The following KIF1A variants were observed in gnomAD, a reference collection of about 807,000 sequenced individuals.
KIF1A encodes the protein kinesin family member 1A.
KIF1A carries 46 observed loss-of-function variants against 227.3 expected under a neutral mutation model. That is an observed-to-expected ratio of 0.20 (90% confidence interval 0.16 to 0.26). The LOEUF (loss-of-function observed/expected upper bound fraction) is 0.26, where lower values mean the gene tolerates loss of function less well. Ranked by LOEUF, KIF1A falls within the 10% of genes least tolerant of loss-of-function variation. The pLI is 1.00. For missense variants in KIF1A, 1,683 were observed against 2,485.9 expected (o/e 0.68, Z 6.87); for synonymous variants, 1,022 against 1,012.8 (o/e 1.01, Z -0.17).
At chr2:240,759,589 G>GATGGGCCCTA (rs2050269335) in intron 25 of KIF1A, among the ~76,000 whole-genome samples, 1 of 56,390 alleles carries the variant, frequency 1.8e-5, no homozygotes, top group African/African-American at 9.5e-5. Context: ...CTCTCTGCCT[G>GATGGGCCCTA]GTGCCTCCCC....
At chr2:240,780,770 C>CCACACACACACACACACACAGCTCCACA (rs2053565481) in intron 10 of KIF1A, among the ~76,000 whole-genome samples, 1 of 71,502 alleles carries the variant, frequency 1.4e-5, no homozygotes, top group Admixed American at 1.7e-4. Flanking sequence ...CCACACAGCT[C>CCACACACACACACACACACAGCTCCACA]CACACACACA....
In KIF1A at chr2:240,789,242, G is replaced by A; in HGVS notation, c.177C>T (p.His59=). 1 of 1,613,606 alleles carries A rather than the reference G, an allele frequency of 6.2e-7. No individual in the cohort carries two copies. Among genetic ancestry groups the A allele is most frequent in the Non-Finnish European group, 8.5e-7 (1 of 1,179,526 alleles). The change falls in exon 3 of 49, where the codon CAC becomes CAT. Residue 59 remains histidine (H), a synonymous_variant. Coordinates refer to ENST00000498729, the MANE Select transcript of KIF1A (RefSeq NM_001244008.2). This position sits in a 1 kb window ranked among gnomAD's most constrained non-coding sequence, Gnocchi z 4.8. The stretch of plus-strand genomic sequence containing the variant: ...ACCCGGGGTCCCGGCTTACTGAGGT[G>A]TGCGACCAGTAGGAGTAGTCAAAGC... ...SFSFDYSYWS[H]TSPEDINYAS...
chr2:240,719,880 G>A lies in KIF1A; in HGVS notation c.4915C>T (p.Leu1639=), dbSNP rs760657742. Residue 1639 remains leucine, a synonymous_variant, in exon 46 of 49, where the codon CTG becomes TTG. Transcript: ENST00000498729. ...AGCTTCTTGGAGTCGGCCTCTGGCA[G>A]CAGCTCGGGCTCTGGGCTGGCTGGC... ...SRPASPEPEL[L]PEADSKKLPS... 2.5e-6 allele frequency: 4 copies of A among 1,611,890 alleles called. No homozygotes were observed. The Admixed American group carries it at 6.7e-5, about 27-fold the overall frequency.
At position 240,761,316 on chromosome 2, in the gene KIF1A, G is replaced by A. The variant is rs2050498927; in HGVS notation, c.2178C>T (p.Tyr726=). Residue 726 remains tyrosine, a synonymous_variant, in exon 24 of 49, where the codon TAC becomes TAT. Coordinates refer to ENST00000498729, the MANE Select transcript of KIF1A (RefSeq NM_001244008.2). ...ALWAFRKWKW[Y]QFTSLRDLLW... ...GCAGGTCCCGCAGAGACGTGAACTGGTACCACTTCCACTTCCGGAAGGCCC... is the reference window on the plus strand; with the variant it reads ...GCAGGTCCCGCAGAGACGTGAACTGATACCACTTCCACTTCCGGAAGGCCC... 6.2e-7 allele frequency: 1 copy of A among 1,613,708 alleles called. No homozygotes were observed. Among genetic ancestry groups the A allele is most frequent in the African/African-American group, 1.3e-5 (1 of 75,056 alleles).
intron 25 of KIF1A, among the ~76,000 whole-genome samples, chr2:240,759,466 C>A (rs995975489): frequency 6.6e-6 from 1 of 152,148 alleles, no homozygotes; most frequent in African/African-American, 2.4e-5. Flanking sequence ...CAGCCCTATG[C>A]CCCAGAGCCC....
At chr2:240,723,764 G>A (rs1442579579) in intron 41 of KIF1A, among the ~76,000 whole-genome samples, 2 of 152,148 alleles carry the variant, frequency 1.3e-5, no homozygotes, top group Non-Finnish European at 1.5e-5. Context: ...TGGCCATCTC[G>A]GCTGTGCCCT....
In KIF1A at chr2:240,775,982, G is replaced by C; in HGVS notation, c.883-56C>G. 2.4e-6 allele frequency: 3 copies of C among 1,245,720 alleles called. No individual in the cohort carries two copies. Among genetic ancestry groups the C allele is most frequent in the South Asian group, 2.4e-5 (2 of 82,658 alleles). 77.2% of individuals were successfully genotyped at this position (1,245,720 alleles called of 1,614,324 possible). A position where few individuals can be genotyped will look rare whatever the true frequency, so the allele number is the denominator to read the frequency against. ...CGAGCCCACTGCAGAGGAAGCGAAA[G>C]GGAGGGGCCAGCGCAGGCCCTGCCA... On this transcript the variant is annotated intron_variant, in intron 10 of 48. Transcript: ENST00000498729. The surrounding 1 kb of genome is among the most constrained non-coding windows in gnomAD (Gnocchi z 5.5).
At position 240,758,606 on chromosome 2, in the gene KIF1A, C is replaced by T. The variant is rs992024921; in HGVS notation, c.2445-109G>A. The T allele has an allele frequency of 5.9e-6, 7 of 1,182,418 alleles. No individual in the cohort carries two copies. The highest frequency in any genetic ancestry group is 6.4e-5 in the Admixed American group (2 of 31,202). The allele number at this position is 1,182,418 out of a possible 1,614,324, so 73.2% of individuals were successfully genotyped here. A position where few individuals can be genotyped will look rare whatever the true frequency, so the allele number is the denominator to read the frequency against. On this transcript the variant is annotated intron_variant, in intron 25 of 48. Coordinates refer to ENST00000498729, the MANE Select transcript of KIF1A (RefSeq NM_001244008.2). This position sits in a 1 kb window ranked among gnomAD's most constrained non-coding sequence, Gnocchi z 5.2. ...GGGCTCAGCCTAGCTCTGGCCACCA[C>T]ATCCAGCTCAGGGTCATCAAGGTCC...
intron 45 of KIF1A, 131 bp downstream of exon 45, chr2:240,720,783 A>T: frequency 8.7e-7 from 1 of 1,147,576 alleles, no homozygotes; most frequent in Non-Finnish European, 1.2e-6. Flanking sequence ...CCCTTCCCTC[A>T]GCCTGTGGCC....
At chr2:240,782,954 C>T in intron 9 of KIF1A, 90 bp downstream of exon 9, 1 of 1,088,388 alleles carries the variant, frequency 9.2e-7, no homozygotes, top group Non-Finnish European at 1.4e-6. Flanking sequence ...CTCCCAGACA[C>T]AGGGCCCGGA....
intron 7 of KIF1A, among the ~76,000 whole-genome samples, chr2:240,784,140 C>T (rs2054418363): frequency 1.3e-5 from 2 of 152,352 alleles, no homozygotes; most frequent in South Asian, 4.1e-4. Context: ...CTGTCACTGT[C>T]CCCACTTCCA....
intron 38 of KIF1A, among the ~76,000 whole-genome samples, chr2:240,728,726 A>G (rs569127508): frequency 6.6e-6 from 1 of 152,310 alleles, no homozygotes; most frequent in South Asian, 2.1e-4. Flanking sequence ...CTCCTGGAAC[A>G]TTGCAGGATC....
intron 27 of KIF1A, among the ~76,000 whole-genome samples, chr2:240,753,615 GCA>G (rs1184008215): frequency 6.6e-6 from 1 of 152,204 alleles, no homozygotes; most frequent in African/African-American, 2.4e-5. Context: ...TAGGGGCCAA[GCA>G]CAGTGGCGAG....
rs372482235 is a variant in KIF1A at position 240,752,580 on chromosome 2, C to T, written c.2859-2033G>A. On this transcript the variant is annotated intron_variant, in intron 27 of 48. Coordinates refer to ENST00000498729, the MANE Select transcript of KIF1A (RefSeq NM_001244008.2). This position sits in a 1 kb window ranked among gnomAD's most constrained non-coding sequence, Gnocchi z 6.4. ...GGGTGGGGAGAGCCAGAACTTGGGC[C>T]GCCAGACAGCACGGCTCTTCCCCGT... 3.5e-4 allele frequency among the ~76,000 whole-genome samples: 54 copies of T among 152,196 alleles called. No homozygotes were observed. The East Asian group carries it at 7.2e-3, about 20-fold the overall frequency.
chr2:240,757,239 C>G lies in KIF1A; in HGVS notation c.2858+80G>C. On this transcript the variant is annotated intron_variant, in intron 27 of 48. Transcript: ENST00000498729. This position sits in a 1 kb window ranked among gnomAD's most constrained non-coding sequence, Gnocchi z 6.2. ...TGGGAGGGCCCGGGCCAGGCCCCAG[C>G]GGTTCCTCTGTGCCCGCAGCAGTGC... 1.4e-6 allele frequency: 2 copies of G among 1,394,544 alleles called. No homozygotes were observed. Among genetic ancestry groups the G allele is most frequent in the Non-Finnish European group, 2.0e-6 (2 of 1,016,500 alleles). 86.4% of individuals were successfully genotyped at this position (1,394,544 alleles called of 1,614,324 possible). A position where few individuals can be genotyped will look rare whatever the true frequency, so the allele number is the denominator to read the frequency against.
rs1476685970 is a variant in KIF1A, at chr2:240,719,154, T to C, written c.5066A>G (p.His1689Arg). 1 of 1,611,628 alleles carries C rather than the reference T, an allele frequency of 6.2e-7. No individual in the cohort carries two copies. The highest frequency in any genetic ancestry group is 1.3e-5 in the African/African-American group (1 of 74,822). The stretch of plus-strand genomic sequence containing the variant: ...GAAGCGCCTGGCCCAGCCTGACGTG[T>C]GCGGCTCCAGGAAGTGCAGGTACCC... ...KKGYLHFLEPHTSGWARRFVV... is the reference protein window; with the variant it reads ...KKGYLHFLEPRTSGWARRFVV... The change falls in exon 47 of 49, where the codon CAC becomes CGC. Residue 1689 changes from histidine (H) to arginine (R), a missense_variant. Transcript: ENST00000498729.
At chr2:240,764,916 G>T (rs1322925533) in intron 20 of KIF1A, among the ~76,000 whole-genome samples, 1 of 152,084 alleles carries the variant, frequency 6.6e-6, no homozygotes, top group Non-Finnish European at 1.5e-5. Flanking sequence ...TTCCCAGCCT[G>T]CCCCGAGTTC....
intron 45 of KIF1A, 118 bp from the exon 46 acceptor site, chr2:240,720,044 G>A (rs1472573636): frequency 6.8e-6 from 7 of 1,032,664 alleles, no homozygotes; most frequent in Non-Finnish European, 9.4e-6. Context: ...CCTTCGCAGG[G>A]TCTCTCCAGC....
chr2:240,787,159 G>C, intron 5 of KIF1A, 92 bp downstream of exon 5: 1 of 1,040,446 alleles, frequency 9.6e-7, no homozygotes, highest in Non-Finnish European at 1.5e-6. Flanking sequence ...GCAGACCCGT[G>C]GTGGGCACTC....
Sources: allele counts gnomAD v4.1 joint callset (sites outside exome capture counted in the v4.1 genomes callset), GRCh38; gene constraint gnomAD v4.1.1; non-coding constraint Gnocchi (gnomAD v3.1); transcripts MANE v1.5; gene names NCBI Gene and HGNC (gene_info 2026-07-23, HGNC 2026-07-21).